ASCC2: variants seen among roughly 807,000 people sequenced by gnomAD.
ASCC2 encodes ASC-1 complex subunit P100.
In ASCC2, 42 loss-of-function variants were observed where a neutral mutation model predicts 93.5. The ratio of observed to expected loss-of-function variants is 0.45; its 90% CI spans 0.35 to 0.58. The LOEUF (loss-of-function observed/expected upper bound fraction) is 0.58, where lower values mean the gene tolerates loss of function less well. Ranked by LOEUF, ASCC2 falls within the 20% of genes least tolerant of loss-of-function variation. ASCC2 has a pLI of 0.00. For synonymous variants in ASCC2, 364 were observed against 384.2 expected, an observed-to-expected ratio of 0.95 and a Z score of 0.62; for missense variants, 859 against 977.6, an observed-to-expected ratio of 0.88 and a Z score of 1.62.
At chr22:29,837,938 G>A (rs944262800) in intron 1 of ASCC2, among the ~76,000 whole-genome samples, 7 of 152,228 alleles carry the variant, frequency 4.6e-5, no homozygotes, top group African/African-American at 1.7e-4. Flanking sequence ...GAAGCCCCGG[G>A]TGTGAGGACG....
intron 9 of ASCC2, 102 bp downstream of exon 9, chr22:29,808,009 C>A: frequency 8.5e-7 from 1 of 1,177,040 alleles, no homozygotes; most frequent in South Asian, 1.3e-5. Context: ...CTGGTCCCAC[C>A]CACTTGTCTT....
intron 5 of ASCC2, among the ~76,000 whole-genome samples, chr22:29,818,554 C>A (rs908581252): frequency 2.0e-5 from 3 of 151,870 alleles, no homozygotes; most frequent in African/African-American, 7.3e-5. Context: ...AGGGGCTCTT[C>A]TTAATAAGCC....
chr22:29,823,284 C>T (rs1243277073), intron 4 of ASCC2, among the ~76,000 whole-genome samples: 1 of 149,656 alleles, frequency 6.7e-6, no homozygotes, highest in Non-Finnish European at 1.5e-5. Flanking sequence ...AATGATTCAT[C>T]TGCCTCGGCC....
intron 15 of ASCC2, among the ~76,000 whole-genome samples, chr22:29,798,993 T>C (rs935719885): frequency 5.3e-5 from 8 of 152,242 alleles, no homozygotes; most frequent in Non-Finnish European, 1.0e-4. Flanking sequence ...AAGGGCACAG[T>C]GTTCCAGAAA....
intron 6 of ASCC2, chr22:29,815,296 TAA>T: frequency 6.7e-6 from 1 of 148,692 alleles, no homozygotes; most frequent in South Asian, 2.1e-4. Context: ...GACCCTGTCT[TAA>T]AAAAAAAAGA....
intron 5 of ASCC2, among the ~76,000 whole-genome samples, chr22:29,820,362 C>T (rs2061406338): frequency 6.6e-6 from 1 of 151,904 alleles, no homozygotes; most frequent in Non-Finnish European, 1.5e-5. Context: ...CGGGGTTTCA[C>T]TATGTCGGCC....
At chr22:29,834,797 T>C (rs1359694889) in intron 1 of ASCC2, among the ~76,000 whole-genome samples, 1 of 152,060 alleles carries the variant, frequency 6.6e-6, no homozygotes, top group Non-Finnish European at 1.5e-5. Flanking sequence ...GCCCAGGTCT[T>C]TTGCTAGGGC....
chr22:29,792,400 C>G, intron 18 of ASCC2, 33 bp downstream of exon 18: 1 of 1,612,164 alleles, frequency 6.2e-7, no homozygotes, highest in East Asian at 2.2e-5. Context: ...GAACTGCACT[C>G]TCCCCTTCAT....
At chr22:29,808,993 G>A (rs1484243280) in intron 8 of ASCC2, among the ~76,000 whole-genome samples, 7 of 151,488 alleles carry the variant, frequency 4.6e-5, no homozygotes, top group South Asian at 4.2e-4. Flanking sequence ...GGTGGTGCAC[G>A]CCTGTAATCT....
rs374049255 is a variant in ASCC2 at position 29,804,827 on chromosome 22, G to T, written c.1164C>A (p.Asp388Glu). 6.2e-7 allele frequency: 1 copy of T among 1,612,868 alleles called. No individual in the cohort carries two copies. Among genetic ancestry groups the T allele is most frequent in the African/African-American group, 1.3e-5 (1 of 74,902 alleles). ...SLLQQASSVLDETRTAYILQA... is the reference protein window; with the variant it reads ...SLLQQASSVLEETRTAYILQA... ...GGAGGATGTAGGCAGTCCGCGTCTC[G>T]TCCCTGTGAGGACTTGTTAAGGGGT... The change falls in exon 13 of 20, where the codon GAC becomes GAA. Residue 388 changes from aspartate (D) to glutamate (E), a missense_variant. Transcript: ENST00000307790.
At position 29,825,250 on chromosome 22, in the gene ASCC2, A is replaced by G. The variant is rs776880207; in HGVS notation, c.248T>C (p.Phe83Ser). The change falls in exon 4 of 20, where the codon TTT becomes TCT. Residue 83 changes from phenylalanine to serine, a missense_variant. Transcript: ENST00000307790. This position sits in a 1 kb window ranked among gnomAD's most constrained non-coding sequence, Gnocchi z 4.9. ...CAGGCACTTCTGTAGAGTCTCGTCA[A>G]AGATCACCTAAACCAGGAGACAGAG... The part of the protein sequence containing the change: ...PHDKFWCQVI[F>S]DETLQKCLDS... 106 of 1,515,046 alleles carry G rather than the reference A, an allele frequency of 7.0e-5. No individual in the cohort carries two copies. The highest frequency in any genetic ancestry group is 9.2e-5 in the Non-Finnish European group (104 of 1,132,744). 93.9% of individuals were successfully genotyped at this position (1,515,046 alleles called of 1,614,324 possible).
intron 2 of ASCC2, among the ~76,000 whole-genome samples, chr22:29,828,547 T>C (rs1426630645): frequency 6.6e-6 from 1 of 152,182 alleles, no homozygotes; most frequent in Non-Finnish European, 1.5e-5. Flanking sequence ...GGTATCTGTG[T>C]GCCATCCTGG....
chr22:29,809,064 G>A (rs1278957172), intron 8 of ASCC2, among the ~76,000 whole-genome samples: 1 of 148,996 alleles, frequency 6.7e-6, no homozygotes, highest in East Asian at 2.0e-4. Flanking sequence ...AGGTTGCAGT[G>A]AGCCAAGATC....
intron 15 of ASCC2, among the ~76,000 whole-genome samples, chr22:29,797,816 C>T (rs528062942): frequency 6.6e-6 from 1 of 152,106 alleles, no homozygotes; most frequent in Non-Finnish European, 1.5e-5. Flanking sequence ...CCCAGGATGG[C>T]GTGCAATGGT....
chr22:29,836,260 G>A (rs1471325874), intron 1 of ASCC2, among the ~76,000 whole-genome samples: 2 of 151,254 alleles, frequency 1.3e-5, no homozygotes, highest in Non-Finnish European at 2.9e-5. Context: ...GCTGGATAGG[G>A]AAGACAGGAC....
At chr22:29,816,140 T>A (rs2060825357) in intron 5 of ASCC2, 67 bp from the exon 6 acceptor site, 1 of 1,290,376 alleles carries the variant, frequency 7.7e-7, no homozygotes, top group Admixed American at 2.0e-5. Flanking sequence ...AGAGGACACA[T>A]TACAAATGGT....
In ASCC2 at chr22:29,804,790, T is replaced by C. The variant is rs771178849; in HGVS notation, c.1201A>G (p.Ser401Gly). 7 of 1,614,110 alleles carry C rather than the reference T, an allele frequency of 4.3e-6. No individual in the cohort carries two copies. In the South Asian group the frequency reaches 7.7e-5, roughly 18 times the overall value. Residue 401 changes from serine (S) to glycine (G), a missense_variant, in exon 13 of 20, where the codon AGT (serine) becomes GGT (glycine). Transcript: ENST00000307790. ...RTAYILQAVESAWEGVDRRKA... is the reference protein window; with the variant it reads ...RTAYILQAVEGAWEGVDRRKA... The stretch of plus-strand genomic sequence containing the variant: ...CGTCTGTCCACCCCTTCCCATGCAC[T>C]CTCGACTGCCTGGAGGATGTAGGCA...
At chr22:29,800,964 C>T (rs758433255) in intron 15 of ASCC2, 27 bp downstream of exon 15, 24 of 1,556,268 alleles carry the variant, frequency 1.5e-5, no homozygotes, top group Non-Finnish European at 2.0e-5. Flanking sequence ...GTTGGGGTAT[C>T]GGAACCCCAT....
In ASCC2 at chr22:29,825,462, G is replaced by A; in HGVS notation, c.240+160C>T. 8.5e-7 allele frequency: 1 copy of A among 1,182,974 alleles called. No individual in the cohort carries two copies. The highest frequency in any genetic ancestry group is 1.2e-6 in the Non-Finnish European group (1 of 834,420). 73.3% of individuals were successfully genotyped at this position (1,182,974 alleles called of 1,614,324 possible). ...TGAAAGGTGTGTAAACATTAAGATTGTGATACAAGACAGAGCAATCCGAAC... is the reference window on the plus strand; with the variant it reads ...TGAAAGGTGTGTAAACATTAAGATTATGATACAAGACAGAGCAATCCGAAC... On this transcript the variant is annotated intron_variant, in intron 3 of 19. Coordinates refer to ENST00000307790, the MANE Select transcript of ASCC2 (RefSeq NM_032204.5). The surrounding 1 kb of genome is among the most constrained non-coding windows in gnomAD (Gnocchi z 4.9).
Sources: allele counts gnomAD v4.1 joint callset (sites outside exome capture counted in the v4.1 genomes callset), GRCh38; gene constraint gnomAD v4.1.1; non-coding constraint Gnocchi (gnomAD v3.1); transcripts MANE v1.5; gene names NCBI Gene and HGNC (gene_info 2026-07-23, HGNC 2026-07-21).